The following RRAGB variants were observed in gnomAD, a reference collection of about 807,000 sequenced individuals.
RRAGB encodes the protein ras-related GTP-binding protein B.
RRAGB carries 6 observed loss-of-function variants against 29.3 expected under a neutral mutation model. The ratio of observed to expected loss-of-function variants is 0.21; its 90% confidence interval spans 0.11 to 0.40. The LOEUF (loss-of-function observed/expected upper bound fraction) is 0.40. Ranked by LOEUF, RRAGB falls within the 10% of genes least tolerant of loss-of-function variation. The pLI, the probability that RRAGB is intolerant of heterozygous loss-of-function variation, is 1.00. For missense variants in RRAGB, 184 were observed against 272.9 expected (o/e 0.67, Z 2.29); for synonymous variants, 101 against 92.5 (o/e 1.09, Z -0.53).
intron 5 of RRAGB, among the ~76,000 whole-genome samples, chrX:55,735,086 G>C (rs1480149029): frequency 8.9e-6 from 1 of 111,986 alleles, no homozygotes; most frequent in Admixed American, 9.5e-5. Flanking sequence ...CAACAAGAAT[G>C]TATATTCTGC....
chrX:55,732,994 A>G (rs908606464), intron 5 of RRAGB, among the ~76,000 whole-genome samples: 4 of 110,631 alleles, frequency 3.6e-5, no homozygotes, highest in Non-Finnish European at 1.9e-5. Context: ...CAGTAACTTT[A>G]TGGTTATATG....
In RRAGB at chrX:55,755,757, A is replaced by C. The variant is rs1334892801; in HGVS notation, c.736-84A>C. 5 of 1,128,702 alleles carry C rather than the reference A, an allele frequency of 4.4e-6. No homozygotes were observed. In the East Asian group the frequency reaches 1.3e-4, roughly 28 times the overall value. 93.0% of individuals were successfully genotyped at this position (1,128,702 alleles called of 1,213,427 possible). On this transcript the variant is annotated intron_variant, in intron 7 of 9. Coordinates refer to ENST00000374941, the MANE Select transcript of RRAGB (RefSeq NM_006064.5). ...TACCCTAAAAACCAGTGACCAAGGG[A>C]CTGACAAATGTCTGCTTTGAGGAGT...
chrX:55,745,519 T>C (rs974873816), intron 5 of RRAGB, among the ~76,000 whole-genome samples: 1 of 112,419 alleles, frequency 8.9e-6, no homozygotes, highest in Non-Finnish European at 1.9e-5. Context: ...TCTAGTTAAG[T>C]TTATGACAGT....
At chrX:55,728,556 C>G (rs752555312) in intron 3 of RRAGB, among the ~76,000 whole-genome samples, 2 of 111,122 alleles carry the variant, frequency 1.8e-5, no homozygotes, top group Non-Finnish European at 3.8e-5. Context: ...CCTTGAATGC[C>G]TCCCCATAGG....
chrX:55,719,429 A>G, intron 2 of RRAGB, 82 bp downstream of exon 2: 1 of 694,822 alleles, frequency 1.4e-6, no homozygotes, highest in Non-Finnish European at 2.1e-6. Context: ...TATATACACC[A>G]TCTTTTCTGG....
rs976488590 is a variant in RRAGB at position 55,717,866 on chromosome X, G to A, written c.-462G>A. On this transcript the variant is annotated 5_prime_UTR_variant, in exon 1 of 10. Coordinates refer to ENST00000374941, the MANE Select transcript of RRAGB (RefSeq NM_006064.5). ...CCGCCGGCTGACTCTCCGAGCGGCC[G>A]GGCTCGGAAGCCACGAGCCAGCTGA... The A allele has an allele frequency of 1.8e-5, 2 of 114,181 alleles. No individual in the cohort carries two copies. Among genetic ancestry groups the A allele is most frequent in the East Asian group, 5.5e-4 (2 of 3,616 alleles). 9.4% of individuals were successfully genotyped at this position (114,181 alleles called of 1,213,427 possible).
chrX:55,753,332 T>A (rs2034572332), intron 6 of RRAGB, 60 bp from the exon 7 acceptor site: 1 of 1,077,893 alleles, frequency 9.3e-7, no homozygotes, highest in Non-Finnish European at 1.2e-6. Context: ...ACTTACTAAT[T>A]TCAAAGGTCT....
chrX:55,758,180 A>T, intron 9 of RRAGB, 66 bp from the exon 10 acceptor site: 1 of 709,653 alleles, frequency 1.4e-6, no homozygotes, highest in Non-Finnish European at 2.1e-6. Context: ...TATTTGTTTT[A>T]CTAGTCAGAC....
intron 5 of RRAGB, among the ~76,000 whole-genome samples, chrX:55,739,433 TG>T (rs2033975400): frequency 1.8e-5 from 2 of 112,381 alleles, no homozygotes; most frequent in African/African-American, 6.5e-5. Flanking sequence ...CTGTCCCCAC[TG>T]GGGTTTCAGG....
intron 5 of RRAGB, among the ~76,000 whole-genome samples, chrX:55,749,340 G>C (rs868429699): frequency 1.1e-5 from 1 of 94,446 alleles, no homozygotes; most frequent in East Asian, 3.7e-4. Context: ...AGCCCGGCCA[G>C]CCGCCCCATC....
chrX:55,741,696 G>T (rs2034080192), intron 5 of RRAGB, among the ~76,000 whole-genome samples: 1 of 111,461 alleles, frequency 9.0e-6, no homozygotes, highest in Non-Finnish European at 1.9e-5. Flanking sequence ...AGAGAGAGGG[G>T]TATTTATTTT....
At position 55,755,495 on chromosome X, in the gene RRAGB, T is replaced by C. The variant is rs181738089; in HGVS notation, c.736-346T>C. The C allele has an allele frequency of 2.0e-3, 1,457 of 732,493 alleles. 19 individuals carry two copies. In the African/African-American group the frequency reaches 0.031, roughly 16 times the overall value. 60.4% of individuals were successfully genotyped at this position (732,493 alleles called of 1,213,427 possible). ...ACAGCTAGGAATTTTTATTTGTTTT[T>C]CTTTTTGATTGATACTTTTTAAAAA... On this transcript the variant is annotated intron_variant, in intron 7 of 9. Transcript: ENST00000374941.
At chrX:55,732,137 A>G (rs1371631791) in intron 5 of RRAGB, among the ~76,000 whole-genome samples, 3 of 112,343 alleles carry the variant, frequency 2.7e-5, no homozygotes, top group Non-Finnish European at 3.8e-5. Flanking sequence ...GTGGAGTAGG[A>G]GATAACCAGT....
chrX:55,751,873 T>C lies in RRAGB; in HGVS notation c.612+677T>C, dbSNP rs763231604. ...CCCTTTCTCCTACTGATCTAGTTAT[T>C]TGAAGGACTAGGTCCTTTTGGATCC... is the stretch of plus-strand genomic sequence containing the variant. On this transcript the variant is annotated intron_variant, in intron 6 of 9. Transcript: ENST00000374941. 4.0e-3 allele frequency among the ~76,000 whole-genome samples: 442 copies of C among 111,244 alleles called. 3 individuals are homozygous for C. Among genetic ancestry groups the C allele is most frequent in the Middle Eastern group, 9.1e-3 (2 of 219 alleles).
chrX:55,731,667 C>A, intron 5 of RRAGB, 81 bp downstream of exon 5: 1 of 634,722 alleles, frequency 1.6e-6, no homozygotes. Context: ...TAAATTTGTA[C>A]CATTTTTTCA....
At chrX:55,747,785 A>G (rs1402351608) in intron 5 of RRAGB, among the ~76,000 whole-genome samples, 3 of 108,827 alleles carry the variant, frequency 2.8e-5, no homozygotes, top group Non-Finnish European at 1.9e-5. Context: ...GAACCAATTT[A>G]GAAAACTCAT....
chrX:55,755,646 G>C, intron 7 of RRAGB, 195 bp from the exon 8 acceptor site: 1 of 752,198 alleles, frequency 1.3e-6, no homozygotes, highest in South Asian at 6.8e-5. Context: ...GTACTAGATG[G>C]GCCATCTGAA....
Position 55,747,592 on chromosome X carries a change from G to A in RRAGB, c.517-3509G>A, listed in dbSNP as rs187697478. On this transcript the variant is annotated intron_variant, in intron 5 of 9. Transcript: ENST00000374941. ...ATTTGTTATTTTGACAAAAATGTTC[G>A]AAATTATGTATGTGGTCACGTGGTA... Among the ~76,000 whole-genome samples the A allele has an allele frequency of 4.9e-3, 548 of 111,733 alleles. 3 individuals are homozygous for A. Among genetic ancestry groups the A allele is most frequent in the African/African-American group, 0.017 (516 of 30,741 alleles).
chrX:55,750,181 CGT>C (rs1569253992), intron 5 of RRAGB, among the ~76,000 whole-genome samples: 1 of 50,605 alleles, frequency 2.0e-5, no homozygotes, highest in African/African-American at 5.3e-5. Context: ...TACATACATA[CGT>C]ATGTGTGTGT....
Sources: gnomAD v4.1 joint callset for allele counts (sites outside exome capture counted in the v4.1 genomes callset) on GRCh38, gnomAD v4.1.1 for gene constraint, MANE v1.5 for transcripts, NCBI Gene and HGNC (gene_info 2026-07-23, HGNC 2026-07-21) for gene names.